The following MYO1C variants were observed in gnomAD, a reference collection of about 807,000 sequenced individuals.
MYO1C encodes the protein unconventional myosin-Ic.
Under a neutral mutation model 150.8 loss-of-function variants are expected in MYO1C, and 104 were observed. The ratio of observed to expected loss-of-function variants is 0.69; its 90% confidence interval spans 0.59 to 0.81. MYO1C has a LOEUF of 0.81. MYO1C is among the 30% of genes least tolerant of loss of function. MYO1C has a pLI of 0.00. For missense variants in MYO1C, 1,504 were observed against 1,435.0 expected, an observed-to-expected ratio of 1.05 and a Z score of -0.78; for synonymous variants, 663 against 579.9, an observed-to-expected ratio of 1.14 and a Z score of -2.06.
In MYO1C at chr17:1,467,275, G is replaced by A. The variant is rs558540787; in HGVS notation, c.3132C>T (p.Leu1044=). Residue 1044 remains leucine, a synonymous_variant, in exon 31 of 32, where the codon CTC becomes CTT. Transcript: ENST00000648651. ...TIDFTPGSEL[L]ITKAKNGHLA... ...GGTGCCCGTTCTTGGCCTTGGTGAT[G>A]AGCAGCTCCGAGCCGGGTGTGAAGT... 3 of 1,613,526 alleles carry A rather than the reference G, an allele frequency of 1.9e-6. No individual in the cohort carries two copies. Among genetic ancestry groups the A allele is most frequent in the Admixed American group, 1.7e-5 (1 of 59,958 alleles).
At chr17:1,473,434 G>C (rs970027592) in intron 17 of MYO1C, among the ~76,000 whole-genome samples, 4 of 152,246 alleles carry the variant, frequency 2.6e-5, no homozygotes, top group Admixed American at 6.5e-5. Context: ...GGAGACGCTA[G>C]GGCCGGGAGG....
chr17:1,473,774 C>T (rs2074349177), intron 17 of MYO1C, among the ~76,000 whole-genome samples: 1 of 152,150 alleles, frequency 6.6e-6, no homozygotes, highest in African/African-American at 2.4e-5. Flanking sequence ...CTGGACTGGG[C>T]CCTCACTATA....
At position 1,464,364 on chromosome 17, in the gene MYO1C, C is replaced by T. The variant is rs920800356; in HGVS notation, c.*1362G>A. The T allele has an allele frequency of 9.2e-5, 14 of 152,674 alleles. No homozygotes were observed. The highest frequency in any genetic ancestry group is 3.4e-4 in the African/African-American group (14 of 41,470). 9.5% of individuals were successfully genotyped at this position (152,674 alleles called of 1,614,324 possible). ...CTGCCGCTCCTCCCAAGGCCAGCCC[C>T]GTCCCCACGCTCCCATGCCAGGGAG... is the stretch of plus-strand genomic sequence containing the variant. On this transcript the variant is annotated 3_prime_UTR_variant, in exon 32 of 32. Transcript: ENST00000648651.
At position 1,478,540 on chromosome 17, in the gene MYO1C, C is replaced by T. The variant is rs758844372; in HGVS notation, c.1213-48G>A. ...GGCGTGGGCCCCCTGCGCGTGCCAG[C>T]CCCACCCTGCAGCACCCCCCGCCTC... On this transcript the variant is annotated intron_variant, in intron 10 of 31. Coordinates refer to ENST00000648651, the MANE Select transcript of MYO1C (RefSeq NM_001080779.2). This position sits in a 1 kb window ranked among gnomAD's most constrained non-coding sequence, Gnocchi z 6.3. The T allele has an allele frequency of 5.0e-6, 8 of 1,613,766 alleles. No individual in the cohort carries two copies. The South Asian group carries it at 8.8e-5, about 18-fold the overall frequency.
At chr17:1,487,115 G>C (rs541633570) in intron 1 of MYO1C, 1 of 152,496 alleles carries the variant, frequency 6.6e-6, no homozygotes, top group East Asian at 1.9e-4. Context: ...GGGCCGTTGG[G>C]TGGCCTGAGA....
chr17:1,470,708 G>A lies in MYO1C; in HGVS notation c.2213-19C>T, dbSNP rs1392668581. The stretch of plus-strand genomic sequence containing the variant: ...TTTGTGGCTGCGGTTGGGAAAGAAA[G>A]GCAATTGGCCAGAGCGCGGGGAGCC... On this transcript the variant is annotated intron_variant, in intron 21 of 31. Transcript: ENST00000648651. 2.5e-6 allele frequency: 4 copies of A among 1,598,822 alleles called. No homozygotes were observed. Among genetic ancestry groups the A allele is most frequent in the Admixed American group, 1.7e-5 (1 of 59,658 alleles).
At chr17:1,474,213 G>C (rs2074355982) in intron 17 of MYO1C, among the ~76,000 whole-genome samples, 1 of 152,060 alleles carries the variant, frequency 6.6e-6, no homozygotes, top group African/African-American at 2.4e-5. Context: ...GATCACCCGA[G>C]GTCAGGAGTT....
rs897709940 is a variant in MYO1C, at chr17:1,486,486, T to C, written c.76-2183A>G. 6.0e-5 allele frequency among the ~76,000 whole-genome samples: 9 copies of C among 150,148 alleles called. No individual in the cohort carries two copies. The South Asian group carries it at 1.0e-3, about 17-fold the overall frequency. On this transcript the variant is annotated intron_variant, in intron 1 of 31. Transcript: ENST00000648651. ...CCACCCGGGACACCCCACTCGCCTC[T>C]GGGCCCGGACCTCCTCCCTCCCTCC...
Position 1,479,191 on chromosome 17 carries a change from C to G in MYO1C, c.1092+240G>C, listed in dbSNP as rs1052880785. Among the ~76,000 whole-genome samples, 5 of 152,162 alleles carry G rather than the reference C, an allele frequency of 3.3e-5. No individual in the cohort carries two copies. Among genetic ancestry groups the G allele is most frequent in the African/African-American group, 1.2e-4 (5 of 41,432 alleles). Reference sequence around the variant, plus strand: ...TGTATTCTTAGTAGATGGGGTTTCACCATGTTGGCCAAGATGGTCTCGAAC... The same window carrying G: ...TGTATTCTTAGTAGATGGGGTTTCAGCATGTTGGCCAAGATGGTCTCGAAC... On this transcript the variant is annotated intron_variant, in intron 9 of 31. Transcript: ENST00000648651. The surrounding 1 kb of genome is among the most constrained non-coding windows in gnomAD (Gnocchi z 4.2).
rs750928601 is a variant in MYO1C, at chr17:1,469,547, G to A, written c.2594C>T (p.Pro865Leu). 2.5e-6 allele frequency: 4 copies of A among 1,612,592 alleles called. No individual in the cohort carries two copies. Among genetic ancestry groups the A allele is most frequent in the Non-Finnish European group, 3.4e-6 (4 of 1,179,402 alleles). ...MVWKYCRSISPEWKQQLQQKA... is the reference protein window; with the variant it reads ...MVWKYCRSISLEWKQQLQQKA... ...TCTCCGTACCTGCTGCTTCCACTCA[G>A]GGCTGATACTCCGGCAGTATTTCCA... The change falls in exon 25 of 32, where the codon CCT becomes CTT. Residue 865 changes from proline to leucine, a missense_variant. Transcript: ENST00000648651.
chr17:1,468,547 T>TG (rs768699064), intron 25 of MYO1C, 51 bp from the exon 26 acceptor site: 39 of 1,431,224 alleles, frequency 2.7e-5, no homozygotes, highest in East Asian at 1.8e-4. Flanking sequence ...AGCACCATCT[T>TG]GGGGGGGCAG....
In MYO1C at chr17:1,479,445, C is replaced by A. The variant is rs1439916069; in HGVS notation, c.1078G>T (p.Ala360Ser). Residue 360 changes from alanine (A) to serine (S), a missense_variant, in exon 9 of 32, where the codon GCC becomes TCC. Ala to Ser is a moderately conservative substitution (Grantham distance 99, BLOSUM62 1). Transcript: ENST00000648651. The surrounding 1 kb of genome is among the most constrained non-coding windows in gnomAD (Gnocchi z 4.2). Reference protein sequence around the residue: ...REALTHRKIIAKGEELLSPLN... With the variant: ...REALTHRKIISKGEELLSPLN... ...CCCGGCCTCACCTCCTCCCCCTTGG[C>A]GATGATCTTCCTGTGTGTCAGGGCT... 6.8e-7 allele frequency: 1 copy of A among 1,477,084 alleles called. No individual in the cohort carries two copies. Among genetic ancestry groups the A allele is most frequent in the Middle Eastern group, 2.2e-4 (1 of 4,494 alleles). 91.5% of individuals were successfully genotyped at this position (1,477,084 alleles called of 1,614,324 possible).
chr17:1,467,016 C>T (rs1449157520), intron 31 of MYO1C, among the ~76,000 whole-genome samples: 2 of 152,192 alleles, frequency 1.3e-5, no homozygotes, highest in African/African-American at 4.8e-5. Flanking sequence ...CCTCAGCCTC[C>T]CAAAGTGCTG....
chr17:1,468,046 G>A lies in MYO1C; in HGVS notation c.2838C>T (p.Ala946=), dbSNP rs746482275. The change falls in exon 28 of 32, where the codon GCC becomes GCT. Residue 946 remains alanine, a synonymous_variant. Transcript: ENST00000648651. ...RSRQLLLTPN[A]VVIVEDAKVK... is the part of the protein sequence containing the mutation. ...CTTTGGCGTCCTCCACGATGACGACGGCGTTGGGCGTGAGCAGCAGCTGCC... is the reference window on the plus strand; with the variant it reads ...CTTTGGCGTCCTCCACGATGACGACAGCGTTGGGCGTGAGCAGCAGCTGCC... 1.9e-5 allele frequency: 30 copies of A among 1,613,068 alleles called. No homozygotes were observed. The highest frequency in any genetic ancestry group is 4.0e-5 in the African/African-American group (3 of 74,590).
At chr17:1,484,448 GCC>G in intron 1 of MYO1C, 145 bp from the exon 2 acceptor site, 2 of 510,070 alleles carry the variant, frequency 3.9e-6, no homozygotes, top group Non-Finnish European at 6.1e-6. Context: ...GGTGCGGGGG[GCC>G]TGGGTGCTGA....
At chr17:1,470,800 A>C (rs2150937192) in intron 21 of MYO1C, 111 bp from the exon 22 acceptor site, 3 of 1,142,170 alleles carry the variant, frequency 2.6e-6, no homozygotes, top group East Asian at 5.5e-5. Flanking sequence ...GAAGGAACCA[A>C]CGAGCAGGAG....
intron 31 of MYO1C, 95 bp from the exon 32 acceptor site, chr17:1,465,847 A>C: frequency 1.1e-6 from 1 of 927,440 alleles, no homozygotes; most frequent in Non-Finnish European, 1.5e-6. Flanking sequence ...TTTCCTTTTT[A>C]TGGAGAATGG....
In MYO1C at chr17:1,478,377, C is replaced by T. The variant is rs112139529; in HGVS notation, c.1295+33G>A. 23 of 1,612,588 alleles carry T rather than the reference C, an allele frequency of 1.4e-5. No individual in the cohort carries two copies. Among genetic ancestry groups the T allele is most frequent in the Middle Eastern group, 1.7e-4 (1 of 6,060 alleles). On this transcript the variant is annotated intron_variant, in intron 11 of 31. Transcript: ENST00000648651. The surrounding 1 kb of genome is among the most constrained non-coding windows in gnomAD (Gnocchi z 6.3). Reference sequence around the variant, plus strand: ...GAAGAGAGGGAGCAGGACAGGAGACCGGGAGGAGAGACGGGGGAAAGATGG... The same window carrying T: ...GAAGAGAGGGAGCAGGACAGGAGACTGGGAGGAGAGACGGGGGAAAGATGG...
Position 1,471,060 on chromosome 17 carries a change from C to G in MYO1C, c.2212+11G>C, listed in dbSNP as rs1263801179. 2 of 1,613,588 alleles carry G rather than the reference C, an allele frequency of 1.2e-6. No homozygotes were observed. The highest frequency in any genetic ancestry group is 8.5e-7 in the Non-Finnish European group (1 of 1,179,560). On this transcript the variant is annotated intron_variant, in intron 21 of 31. Coordinates refer to ENST00000648651, the MANE Select transcript of MYO1C (RefSeq NM_001080779.2). The stretch of plus-strand genomic sequence containing the variant: ...ACCCCGTGCAGCAGGAAGGGTAGGC[C>G]TCTCTCTCACCCAGGCTCTGCCGCC...
Sources: allele counts gnomAD v4.1 joint callset (sites outside exome capture counted in the v4.1 genomes callset), GRCh38; gene constraint gnomAD v4.1.1; non-coding constraint Gnocchi (gnomAD v3.1); transcripts MANE v1.5; gene names NCBI Gene and HGNC (gene_info 2026-07-23, HGNC 2026-07-21).